LRRC37A2: variants seen among roughly 807,000 people sequenced by gnomAD.
The protein encoded by LRRC37A2 is leucine rich repeat containing 37 member A2, also known as leucine-rich repeat-containing protein 37A2.
Under a neutral mutation model 68.8 loss-of-function variants are expected in LRRC37A2, and 9 were observed. The ratio of observed to expected loss-of-function variants is 0.13; its 90% confidence interval spans 0.08 to 0.23. LRRC37A2 has a LOEUF of 0.23. Ranked by LOEUF, LRRC37A2 falls within the 10% of genes least tolerant of loss-of-function variation. LRRC37A2 has a pLI of 1.00. For missense variants in LRRC37A2, 168 were observed against 950.4 expected, an observed-to-expected ratio of 0.18 and a Z score of 10.82; for synonymous variants, 63 against 367.6, an observed-to-expected ratio of 0.17 and a Z score of 9.48.
the LRRC37A2 span, among the ~76,000 whole-genome samples, chr17:46,835,412 C>T: frequency 1.6e-3 from 247 of 152,200 alleles, 2 homozygotes; most frequent in African/African-American, 5.4e-3. Context: ...AGGGTTTCAC[C>T]GTGTTAGCCA....
At chr17:46,930,991 A>T in the LRRC37A2 span, 1 of 718,164 alleles carries the variant, frequency 1.4e-6, no homozygotes, top group Non-Finnish European at 2.5e-6. Flanking sequence ...CTTTTGAAAT[A>T]TGTAGTTCTA....
the LRRC37A2 span, among the ~76,000 whole-genome samples, chr17:46,889,218 T>C: frequency 6.6e-6 from 1 of 152,260 alleles, no homozygotes; most frequent in South Asian, 2.1e-4. Flanking sequence ...GAGTTGACTA[T>C]ATCTAGATGC....
chr17:47,018,389 C>T, the LRRC37A2 span: 4 of 1,606,060 alleles, frequency 2.5e-6, no homozygotes, highest in Non-Finnish European at 3.4e-6. Flanking sequence ...CTCCAGGTCA[C>T]CATCAAACTC....
the LRRC37A2 span, among the ~76,000 whole-genome samples, chr17:46,974,748 A>AAAGG: frequency 8.6e-4 from 126 of 147,208 alleles, 10 homozygotes; most frequent in East Asian, 2.0e-3. Context: ...AAAAAAAAAA[A>AAAGG]AGGTCATCTC....
At chr17:46,853,363 C>CTTTTTTTT in the LRRC37A2 span, among the ~76,000 whole-genome samples, 1 of 78,896 alleles carries the variant, frequency 1.3e-5, no homozygotes, top group African/African-American at 5.3e-5. Context: ...ATGCTAGTGA[C>CTTTTTTTT]TTTTTTTTTT....
chr17:46,797,833 C>T, the LRRC37A2 span, among the ~76,000 whole-genome samples: 2 of 152,214 alleles, frequency 1.3e-5, no homozygotes, highest in African/African-American at 4.8e-5. Context: ...AATAGCTCAA[C>T]ATAGAGGGCC....
chr17:46,981,361 A>C, the LRRC37A2 span, among the ~76,000 whole-genome samples: 2 of 152,324 alleles, frequency 1.3e-5, no homozygotes, highest in East Asian at 3.9e-4. Context: ...CACCACCCTC[A>C]TGAATAGATT....
the LRRC37A2 span, among the ~76,000 whole-genome samples, chr17:46,707,821 CAGG>C: frequency 2.0e-5 from 3 of 152,000 alleles, no homozygotes; most frequent in Non-Finnish European, 4.4e-5. Flanking sequence ...CACCTGAAGT[CAGG>C]AGTTCAAAAC....
chr17:46,874,990 C>A, the LRRC37A2 span: 1 of 1,543,396 alleles, frequency 6.5e-7, no homozygotes, highest in East Asian at 2.2e-5. Flanking sequence ...CCCATCACAG[C>A]GCTGCCACCA....
chr17:46,891,815 C>T, the LRRC37A2 span, among the ~76,000 whole-genome samples: 8 of 152,140 alleles, frequency 5.3e-5, no homozygotes, highest in Non-Finnish European at 8.8e-5. Flanking sequence ...GCTTTCTTGG[C>T]TCCAAACTAA....
the LRRC37A2 span, among the ~76,000 whole-genome samples, chr17:46,990,525 C>T: frequency 6.6e-6 from 1 of 152,160 alleles, no homozygotes; most frequent in Non-Finnish European, 1.5e-5. Flanking sequence ...AAGGGAAGGA[C>T]ATGGTTCACA....
At chr17:46,801,472 T>C in the LRRC37A2 span, among the ~76,000 whole-genome samples, 1 of 127,996 alleles carries the variant, frequency 7.8e-6, no homozygotes, top group East Asian at 2.0e-4. Flanking sequence ...ATAGAAAAAT[T>C]AGCCGAGCAT....
At chr17:46,609,204 T>C in the LRRC37A2 span, among the ~76,000 whole-genome samples, 3 of 148,642 alleles carry the variant, frequency 2.0e-5, no homozygotes, top group South Asian at 6.3e-4. Flanking sequence ...CTGGGTGTGT[T>C]CACTTGTAGA....
the LRRC37A2 span, among the ~76,000 whole-genome samples, chr17:46,999,131 G>A: frequency 1.3e-5 from 2 of 152,178 alleles, no homozygotes; most frequent in Non-Finnish European, 2.9e-5. Flanking sequence ...TAATCGAGAA[G>A]GACACTTCCG....
the LRRC37A2 span, among the ~76,000 whole-genome samples, chr17:46,901,803 A>T: frequency 3.1e-5 from 4 of 128,210 alleles, no homozygotes; most frequent in African/African-American, 3.3e-5. Context: ...TGGAGCAAGA[A>T]TTTTTTTTTT....
the LRRC37A2 span, among the ~76,000 whole-genome samples, chr17:46,766,500 G>T: frequency 6.6e-6 from 1 of 151,864 alleles, no homozygotes; most frequent in African/African-American, 2.4e-5. Flanking sequence ...CTGAGTGGAC[G>T]AGTGGAGGCG....
the LRRC37A2 span, among the ~76,000 whole-genome samples, chr17:46,418,238 C>T: frequency 1.1e-4 from 5 of 47,568 alleles, no homozygotes; most frequent in African/African-American, 1.5e-4. Flanking sequence ...TGTGTGTGCG[C>T]GCGCGCGTGT....
chr17:46,764,259 A>G, the LRRC37A2 span: 1 of 152,674 alleles, frequency 6.5e-6, no homozygotes, highest in East Asian at 1.9e-4. Flanking sequence ...CTTGACTGCC[A>G]GGCTGAGAGC....
At chr17:46,927,042 C>T in the LRRC37A2 span, among the ~76,000 whole-genome samples, 1 of 152,070 alleles carries the variant, frequency 6.6e-6, no homozygotes, top group African/African-American at 2.4e-5. Context: ...TTCTAGTTTC[C>T]CTGTTTCCTT....
Sources: gnomAD v4.1 joint callset for allele counts (sites outside exome capture counted in the v4.1 genomes callset) on GRCh38, gnomAD v4.1.1 for gene constraint, MANE v1.5 for transcripts, NCBI Gene and HGNC (gene_info 2026-07-23, HGNC 2026-07-21) for gene names.